Variants in FER observed in about 807,000 individuals in gnomAD.
The protein encoded by FER is tyrosine-protein kinase Fer.
A neutral mutation model predicts 111.0 loss-of-function variants in FER; 63 were observed. The ratio of observed to expected loss-of-function variants is 0.57; its 90% CI spans 0.46 to 0.70. FER has a LOEUF of 0.70. FER is among the 30% of genes least tolerant of loss of function. The pLI is 0.00. For synonymous variants in FER, 327 were observed against 313.9 expected, an observed-to-expected ratio of 1.04 and a Z score of -0.44; for missense variants, 914 against 954.0, an observed-to-expected ratio of 0.96 and a Z score of 0.55.
At chr5:109,128,163 C>T (rs991967903) in intron 17 of FER, among the ~76,000 whole-genome samples, 4 of 151,942 alleles carry the variant, frequency 2.6e-5, no homozygotes, top group African/African-American at 4.8e-5. Context: ...TTTTCCTACC[C>T]TCTCCTTCCT....
chr5:108,907,732 A>C (rs1176319491), intron 10 of FER, among the ~76,000 whole-genome samples: 1 of 152,204 alleles, frequency 6.6e-6, no homozygotes. Context: ...AAAACATCAG[A>C]TAGAACTAAG....
At chr5:109,041,972 G>T (rs923680310) in intron 14 of FER, among the ~76,000 whole-genome samples, 1 of 152,092 alleles carries the variant, frequency 6.6e-6, no homozygotes, top group Non-Finnish European at 1.5e-5. Context: ...CCACCATTTG[G>T]GTCTTCTCAA....
intron 17 of FER, among the ~76,000 whole-genome samples, chr5:109,177,988 A>G (rs1401659986): frequency 2.0e-5 from 3 of 152,342 alleles, no homozygotes; most frequent in Non-Finnish European, 4.4e-5. Context: ...TGTGTCTCCC[A>G]AAGTGTGACT....
rs140341875 is a variant in FER, at chr5:109,037,298, T to A, written c.1657-124T>A. 217 of 692,538 alleles carry A rather than the reference T, an allele frequency of 3.1e-4. No individual in the cohort carries two copies. In the African/African-American group the frequency reaches 3.3e-3, roughly 11 times the overall value. The allele number at this position is 692,538 out of a possible 1,614,324, so 42.9% of individuals were successfully genotyped here. A position where few individuals can be genotyped will look rare whatever the true frequency, so the allele number is the denominator to read the frequency against. On this transcript the variant is annotated intron_variant, in intron 13 of 19. Transcript: ENST00000281092. ...GCATCTTGGGGTTATAACTTCTCAG[T>A]GTGCTGTTGATTGAATGGTCTGAAT...
Position 109,044,383 on chromosome 5 carries a change from G to C in FER, c.1714-297G>C, listed in dbSNP as rs1581775203. Among the ~76,000 whole-genome samples the C allele has an allele frequency of 2.0e-5, 3 of 151,876 alleles. No individual in the cohort carries two copies. In the East Asian group the frequency reaches 5.8e-4, roughly 29 times the overall value. On this transcript the variant is annotated intron_variant, in intron 14 of 19. Coordinates refer to ENST00000281092, the MANE Select transcript of FER (RefSeq NM_005246.4). The stretch of plus-strand genomic sequence containing the variant: ...TTTTTAGTAGAGACGGGGTTTCACT[G>C]TGTTAGCAAGGATGGTCTCGATCTC...
At chr5:109,097,456 A>T (rs1442875405) in intron 16 of FER, among the ~76,000 whole-genome samples, 2 of 151,976 alleles carry the variant, frequency 1.3e-5, no homozygotes, top group Non-Finnish European at 2.9e-5. Flanking sequence ...TGCAATGGTC[A>T]GGTAGGATAC....
intron 10 of FER, among the ~76,000 whole-genome samples, chr5:108,903,837 A>T (rs532498846): frequency 2.8e-4 from 42 of 152,240 alleles, no homozygotes; most frequent in Non-Finnish European, 5.4e-4. Context: ...TTGGATAGGT[A>T]GTACATGCAC....
rs1466785686 is a variant in FER at position 109,196,650 on chromosome 5, A to C, written c.*9075A>C. On this transcript the variant is annotated 3_prime_UTR_variant, in exon 20 of 20. Coordinates refer to ENST00000281092, the MANE Select transcript of FER (RefSeq NM_005246.4). ...TAGTTTTTACATTCAAAAGAAATAC[A>C]CTTTGAACTTTGGCTAACATTGTAG... 1 of 152,194 alleles carries C rather than the reference A, an allele frequency of 6.6e-6. No individual in the cohort carries two copies. The highest frequency in any genetic ancestry group is 1.5e-5 in the Non-Finnish European group (1 of 68,022). 9.4% of individuals were successfully genotyped at this position (152,194 alleles called of 1,614,324 possible). A position where few individuals can be genotyped will look rare whatever the true frequency, so the allele number is the denominator to read the frequency against.
intron 5 of FER, among the ~76,000 whole-genome samples, chr5:108,852,952 A>G (rs1250867764): frequency 8.5e-5 from 13 of 152,142 alleles, no homozygotes; most frequent in African/African-American, 3.1e-4. Context: ...ATTACTTCCT[A>G]AATTTGTCCA....
At chr5:108,872,322 T>C in intron 8 of FER, 110 bp downstream of exon 8, 1 of 1,085,522 alleles carries the variant, frequency 9.2e-7, no homozygotes, top group Non-Finnish European at 1.3e-6. Flanking sequence ...ACAGTAAATT[T>C]TTGGGGTCAG....
intron 11 of FER, among the ~76,000 whole-genome samples, chr5:108,951,931 C>T (rs922460365): frequency 2.6e-5 from 4 of 151,776 alleles, no homozygotes; most frequent in African/African-American, 9.7e-5. Context: ...TTTTTCTTTC[C>T]CCAAGAAAAA....
chr5:109,183,248 G>GTTTTTTTTTTTTT (rs10682212), intron 18 of FER, among the ~76,000 whole-genome samples: 1 of 115,670 alleles, frequency 8.6e-6, no homozygotes, highest in African/African-American at 3.4e-5. Flanking sequence ...ATCCTAGCGT[G>GTTTTTTTTTTTTT]TTTTTTTTTT....
intron 16 of FER, among the ~76,000 whole-genome samples, chr5:109,063,573 G>A (rs772340546): frequency 3.3e-5 from 5 of 152,156 alleles, no homozygotes; most frequent in Non-Finnish European, 7.4e-5. Flanking sequence ...TTAACCCATT[G>A]CCAATTATAT....
At chr5:108,813,237 T>C in intron 3 of FER, among the ~76,000 whole-genome samples, 1 of 152,180 alleles carries the variant, frequency 6.6e-6, no homozygotes, top group Non-Finnish European at 1.5e-5. Flanking sequence ...TGTTGCTGTA[T>C]TATCATCTTA....
intron 13 of FER, among the ~76,000 whole-genome samples, chr5:108,982,312 G>A (rs901324490): frequency 7.2e-5 from 11 of 152,096 alleles, no homozygotes; most frequent in Non-Finnish European, 1.5e-4. Context: ...TAATTTAGAT[G>A]GAGAATATAG....
intron 16 of FER, among the ~76,000 whole-genome samples, chr5:109,089,650 A>G (rs1448400973): frequency 1.3e-5 from 2 of 152,208 alleles, no homozygotes; most frequent in Non-Finnish European, 2.9e-5. Context: ...GGGCAAGTAC[A>G]AAGCCAAGAA....
intron 5 of FER, among the ~76,000 whole-genome samples, chr5:108,847,287 A>G (rs1762122703): frequency 6.6e-6 from 1 of 151,706 alleles, no homozygotes. Flanking sequence ...GGTTATTTAG[A>G]AGAATGTTGT....
At chr5:108,965,866 A>G (rs1759737992) in intron 13 of FER, among the ~76,000 whole-genome samples, 2 of 152,098 alleles carry the variant, frequency 1.3e-5, no homozygotes, top group African/African-American at 4.8e-5. Context: ...ATACAGGGTG[A>G]TATTTGACTA....
At chr5:109,008,698 AGGCCGGGCACAGT>A (rs1765814296) in intron 13 of FER, among the ~76,000 whole-genome samples, 1 of 152,116 alleles carries the variant, frequency 6.6e-6, no homozygotes, top group Non-Finnish European at 1.5e-5. Flanking sequence ...CAATAATAGC[AGGCCGGGCACAGT>A]GGCTCACGCC....
Sources: gnomAD v4.1 joint callset for allele counts (sites outside exome capture counted in the v4.1 genomes callset) on GRCh38, gnomAD v4.1.1 for gene constraint, MANE v1.5 for transcripts, NCBI Gene and HGNC (gene_info 2026-07-23, HGNC 2026-07-21) for gene names.